Variants in EPHA2 observed in about 807,000 individuals in gnomAD.
EPHA2 encodes the protein EPH receptor A2, also known as ephrin type-A receptor 2.
A neutral mutation model predicts 104.9 loss-of-function variants in EPHA2; 54 were observed. The ratio of observed to expected loss-of-function variants is 0.51; its 90% CI spans 0.41 to 0.65. EPHA2 has a LOEUF of 0.65. EPHA2 is among the 30% of genes least tolerant of loss of function. The pLI is 0.00. For synonymous variants in EPHA2, 560 were observed against 559.1 expected, an observed-to-expected ratio of 1.00 and a Z score of -0.02; for missense variants, 1,117 against 1,369.5, an observed-to-expected ratio of 0.82 and a Z score of 2.91.
chr1:16,129,285 G>C, intron 16 of EPHA2, 149 bp downstream of exon 16: 2 of 954,962 alleles, frequency 2.1e-6, no homozygotes, highest in South Asian at 3.2e-5. Flanking sequence ...GCGGAGTTCT[G>C]CCCTTCTCTT....
chr1:16,134,963 TC>T lies in EPHA2; in HGVS notation c.1582+72del. ...GCATTTCTAAGTTATTTGATTCACT[TC>T]CTTTCCCAAGATGTCTCAATTGCTT... On this transcript the variant is annotated intron_variant, in intron 7 of 16. Transcript: ENST00000358432. This position sits in a 1 kb window ranked among gnomAD's most constrained non-coding sequence, Gnocchi z 4.5. 1 of 1,591,916 alleles carries T rather than the reference TC, an allele frequency of 6.3e-7. No homozygotes were observed. The highest frequency in any genetic ancestry group is 8.5e-7 in the Non-Finnish European group (1 of 1,172,544).
rs1224993656 is a variant in EPHA2 at position 16,134,753 on chromosome 1, G to A, written c.1583-186C>T. Among the ~76,000 whole-genome samples, 1 of 152,138 alleles carries A rather than the reference G, an allele frequency of 6.6e-6. No homozygotes were observed. The highest frequency in any genetic ancestry group is 1.5e-5 in the Non-Finnish European group (1 of 68,022). ...GGCCTTCCCGAAGGTCTCACGGGAG[G>A]TATTGCAGGTATGTGGGGCTCAAAG... is the stretch of plus-strand genomic sequence containing the variant. On this transcript the variant is annotated intron_variant, in intron 7 of 16. Coordinates refer to ENST00000358432, the MANE Select transcript of EPHA2 (RefSeq NM_004431.5). This position sits in a 1 kb window ranked among gnomAD's most constrained non-coding sequence, Gnocchi z 4.5.
chr1:16,150,183 C>T lies in EPHA2; in HGVS notation c.153+713G>A, dbSNP rs907100094. ...CAGCTCTGGGAACTATTCCAAGTAG[C>T]CCCTGGGAGACAGCCCCCTTTCTCA... On this transcript the variant is annotated intron_variant, in intron 2 of 16. Coordinates refer to ENST00000358432, the MANE Select transcript of EPHA2 (RefSeq NM_004431.5). This position sits in a 1 kb window ranked among gnomAD's most constrained non-coding sequence, Gnocchi z 4.8. Among the ~76,000 whole-genome samples, 2 of 152,164 alleles carry T rather than the reference C, an allele frequency of 1.3e-5. No homozygotes were observed. The highest frequency in any genetic ancestry group is 4.8e-5 in the African/African-American group (2 of 41,434).
In EPHA2 at chr1:16,130,440, G is replaced by C; in HGVS notation, c.2476-21C>G. On this transcript the variant is annotated intron_variant, in intron 14 of 16. Transcript: ENST00000358432. The surrounding 1 kb of genome is among the most constrained non-coding windows in gnomAD (Gnocchi z 4.5). ...ATCACCTGGCGGGGCACGAAGGTCA[G>C]GGGCGCTGTTGCAGAAAGCCACTGA... 1 of 1,533,024 alleles carries C rather than the reference G, an allele frequency of 6.5e-7. No individual in the cohort carries two copies. Among genetic ancestry groups the C allele is most frequent in the Non-Finnish European group, 8.8e-7 (1 of 1,137,842 alleles). 95.0% of individuals were successfully genotyped at this position (1,533,024 alleles called of 1,614,324 possible).
Position 16,125,158 on chromosome 1 carries a change from G to A in EPHA2, c.*57C>T, listed in dbSNP as rs1159313860. On this transcript the variant is annotated 3_prime_UTR_variant, in exon 17 of 17. Coordinates refer to ENST00000358432, the MANE Select transcript of EPHA2 (RefSeq NM_004431.5). The surrounding 1 kb of genome is among the most constrained non-coding windows in gnomAD (Gnocchi z 4.9). ...GTGGCCCAGCATGGCACAGCAGGGA[G>A]GCCACTCTGTTTCTTCAAGTATTCT... The A allele has an allele frequency of 3.3e-6, 5 of 1,507,496 alleles. No individual in the cohort carries two copies. Among genetic ancestry groups the A allele is most frequent in the Non-Finnish European group, 3.7e-6 (4 of 1,090,882 alleles). The allele number at this position is 1,507,496 out of a possible 1,614,324, so 93.4% of individuals were successfully genotyped here.
rs200541087 is a variant in EPHA2, at chr1:16,148,601, C to G, written c.600G>C (p.Lys200Asn). 2.2e-5 allele frequency: 35 copies of G among 1,609,950 alleles called. No individual in the cohort carries two copies. The highest frequency in any genetic ancestry group is 7.6e-6 in the Non-Finnish European group (9 of 1,179,996). Residue 200 changes from lysine (K) to asparagine (N), a missense_variant, in exon 3 of 17, where the codon AAG becomes AAC. Physicochemically the swap from Lys to Asn is moderately conservative, Grantham distance 94 (BLOSUM62 0). Coordinates refer to ENST00000358432, the MANE Select transcript of EPHA2 (RefSeq NM_004431.5). This position sits in a 1 kb window ranked among gnomAD's most constrained non-coding sequence, Gnocchi z 4.9. Reference protein sequence around the residue: ...ALLSVRVYYKKCPELLQGLAH... With the variant: ...ALLSVRVYYKNCPELLQGLAH... The stretch of plus-strand genomic sequence containing the variant: ...CCAGGCCCTGCAGCAGCTCGGGGCA[C>G]TTCTTGTAGTAGACACGGACGGAGA...
chr1:16,149,275 T>C (rs2024994052), intron 2 of EPHA2, among the ~76,000 whole-genome samples: 3 of 152,052 alleles, frequency 2.0e-5, no homozygotes, highest in African/African-American at 7.2e-5. Context: ...CTCTATTAGG[T>C]TGTGAGCCTG....
In EPHA2 at chr1:16,131,736, C is replaced by T. The variant is rs2124198892; in HGVS notation, c.2460G>A (p.Glu820=). ...GGGCACCCACCTCGTGGTTGGACAA[C>T]TCCCAGTAGGGCCGCTCGCCATAGG... ...VMTYGERPYW[E]LSNHEVMKAI... is the part of the protein sequence containing the mutation. Residue 820 remains glutamate (E), a synonymous_variant, in exon 14 of 17, where the codon GAG becomes GAA. Transcript: ENST00000358432. This position sits in a 1 kb window ranked among gnomAD's most constrained non-coding sequence, Gnocchi z 5.2. 6.2e-7 allele frequency: 1 copy of T among 1,614,096 alleles called. No individual in the cohort carries two copies. The highest frequency in any genetic ancestry group is 8.5e-7 in the Non-Finnish European group (1 of 1,180,028).
rs2024560496 is a variant in EPHA2 at position 16,130,953 on chromosome 1, G to A, written c.2476-534C>T. On this transcript the variant is annotated intron_variant, in intron 14 of 16. Coordinates refer to ENST00000358432, the MANE Select transcript of EPHA2 (RefSeq NM_004431.5). This position sits in a 1 kb window ranked among gnomAD's most constrained non-coding sequence, Gnocchi z 4.5. ...CTAGAAGGGACCCTGCTCCCTCACAGGGCACCAGGCAGCAGCCACACTGTG... is the reference window on the plus strand; with the variant it reads ...CTAGAAGGGACCCTGCTCCCTCACAAGGCACCAGGCAGCAGCCACACTGTG... 6.6e-6 allele frequency among the ~76,000 whole-genome samples: 1 copy of A among 152,064 alleles called. No homozygotes were observed. The highest frequency in any genetic ancestry group is 1.5e-5 in the Non-Finnish European group (1 of 68,008).
chr1:16,133,653 AT>A, intron 9 of EPHA2, 47 bp from the exon 10 acceptor site: 1 of 1,611,544 alleles, frequency 6.2e-7, no homozygotes, highest in Non-Finnish European at 8.5e-7. Context: ...GAGGGGCCCC[AT>A]GGGGGGTGCT....
rs115862421 is a variant in EPHA2 at position 16,129,186 on chromosome 1, G to T, written c.2825+248C>A. Among the ~76,000 whole-genome samples the T allele has an allele frequency of 8.2e-3, 1,244 of 151,594 alleles. 21 individuals carry two copies. Among genetic ancestry groups the T allele is most frequent in the African/African-American group, 0.025 (1,036 of 41,306 alleles). Reference sequence around the variant, plus strand: ...CTCAGTAAACAGTAGCTACTGTTATGATTACGGTTACTATTATTTCCCCAC... The same window carrying T: ...CTCAGTAAACAGTAGCTACTGTTATTATTACGGTTACTATTATTTCCCCAC... On this transcript the variant is annotated intron_variant, in intron 16 of 16. Coordinates refer to ENST00000358432, the MANE Select transcript of EPHA2 (RefSeq NM_004431.5).
At chr1:16,139,450 T>C (rs2024781240) in intron 3 of EPHA2, among the ~76,000 whole-genome samples, 1 of 152,186 alleles carries the variant, frequency 6.6e-6, no homozygotes, top group African/African-American at 2.4e-5. Flanking sequence ...AATGATCCTC[T>C]GCTCTGTGCC....
At position 16,129,472 on chromosome 1, in the gene EPHA2, G is replaced by T; in HGVS notation, c.2787C>A (p.Gly929=). ...GCACCACCTTCTCGATGGCAGTGTA[G>T]CCGGCCGCCATGAAGTGCTCCGTAT... ...QQYTEHFMAA[G]YTAIEKVVQM... The change falls in exon 16 of 17, where the codon GGC becomes GGA. Residue 929 remains glycine, a synonymous_variant. Transcript: ENST00000358432. The T allele has an allele frequency of 6.2e-7, 1 of 1,613,814 alleles. No homozygotes were observed. The highest frequency in any genetic ancestry group is 8.5e-7 in the Non-Finnish European group (1 of 1,180,032).
chr1:16,138,983 C>T (rs2024773253), intron 3 of EPHA2, among the ~76,000 whole-genome samples: 1 of 152,234 alleles, frequency 6.6e-6, no homozygotes, highest in Admixed American at 6.5e-5. Context: ...CAGCCCAGGA[C>T]CTGCCCTCCT....
chr1:16,143,186 G>GGATGGATGGATGGATA (rs1332057308), intron 3 of EPHA2, among the ~76,000 whole-genome samples: 4 of 150,004 alleles, frequency 2.7e-5, no homozygotes, highest in African/African-American at 9.8e-5. Flanking sequence ...ATGGATGGAT[G>GGATGGATGGATGGATA]GATGAATGGA....
In EPHA2 at chr1:16,129,578, C is replaced by A; in HGVS notation, c.2681G>T (p.Arg894Leu). The change falls in exon 16 of 17, where the codon CGG becomes CTG. Residue 894 changes from arginine to leucine, a missense_variant. Arg to Leu is a moderately radical substitution (Grantham distance 102). This residue lies in a region of EPHA2 where 340 missense variants were observed against 480.5 expected (regional missense o/e 0.71). Transcript: ENST00000358432. ...LADFDPRVSI[R>L]LPSTSGSEGV... ...CTCCGAGCCGCTCGTGCTGGGGAGC[C>A]GGATAGACACGCTGCAACAGGAAGC... 1 of 1,610,726 alleles carries A rather than the reference C, an allele frequency of 6.2e-7. No individual in the cohort carries two copies. The highest frequency in any genetic ancestry group is 8.5e-7 in the Non-Finnish European group (1 of 1,179,570).
At chr1:16,149,096 G>A (rs2024990670) in intron 2 of EPHA2, 49 bp from the exon 3 acceptor site, 3 of 1,595,200 alleles carry the variant, frequency 1.9e-6, no homozygotes. Context: ...TGGGGAAACT[G>A]AGGCCCAGGT....
chr1:16,125,398 G>C lies in EPHA2; in HGVS notation c.2826-78C>G. The C allele has an allele frequency of 1.0e-6, 1 of 970,932 alleles. No homozygotes were observed. Among genetic ancestry groups the C allele is most frequent in the Non-Finnish European group, 1.5e-6 (1 of 661,686 alleles). 60.1% of individuals were successfully genotyped at this position (970,932 alleles called of 1,614,324 possible). ...GCCGGGCTGGGTGGGGACAGGACTC[G>C]GTGGGCGGCTGGGGAGGGGAGTGGA... On this transcript the variant is annotated intron_variant, in intron 16 of 16. Coordinates refer to ENST00000358432, the MANE Select transcript of EPHA2 (RefSeq NM_004431.5). The surrounding 1 kb of genome is among the most constrained non-coding windows in gnomAD (Gnocchi z 4.9).
chr1:16,147,220 T>C (rs1180858290), intron 3 of EPHA2, among the ~76,000 whole-genome samples: 2 of 152,226 alleles, frequency 1.3e-5, no homozygotes. Flanking sequence ...TCTGAATGAA[T>C]TGGCCCTTTT....
Sources: allele counts gnomAD v4.1 joint callset (sites outside exome capture counted in the v4.1 genomes callset), GRCh38; gene constraint gnomAD v4.1.1; regional missense constraint gnomAD v4.1.1; non-coding constraint Gnocchi (gnomAD v3.1); transcripts MANE v1.5; gene names NCBI Gene and HGNC (gene_info 2026-07-23, HGNC 2026-07-21).